The following NUCB1 variants were observed in gnomAD, a reference collection of about 807,000 sequenced individuals.
The protein encoded by NUCB1 is nucleobindin 1.
A neutral mutation model predicts 61.2 loss-of-function variants in NUCB1; 47 were observed. The ratio of observed to expected loss-of-function variants is 0.77; its 90% CI spans 0.61 to 0.98. NUCB1 has a LOEUF of 0.98. NUCB1 is among the 50% of genes least tolerant of loss of function. The pLI is 0.00. For synonymous variants in NUCB1, 234 were observed against 243.1 expected, an observed-to-expected ratio of 0.96 and a Z score of 0.35; for missense variants, 583 against 605.3, an observed-to-expected ratio of 0.96 and a Z score of 0.39.
chr19:48,905,729 G>A, intron 3 of NUCB1, 24 bp from the exon 4 acceptor site: 1 of 1,613,818 alleles, frequency 6.2e-7, no homozygotes, highest in Non-Finnish European at 8.5e-7. Context: ...CCCCCAGGCT[G>A]ACCAGGGTCT....
intron 4 of NUCB1, among the ~76,000 whole-genome samples, chr19:48,908,773 C>T (rs1295493259): frequency 7.2e-6 from 1 of 138,436 alleles, no homozygotes; most frequent in African/African-American, 2.6e-5. Flanking sequence ...TCTTTCTCCC[C>T]ACCTAACCAA....
intron 2 of NUCB1, among the ~76,000 whole-genome samples, chr19:48,901,883 C>T (rs1217537006): frequency 1.3e-5 from 2 of 152,238 alleles, no homozygotes; most frequent in East Asian, 3.8e-4. Context: ...GAAATCCTTG[C>T]AGACCCAGGA....
intron 2 of NUCB1, among the ~76,000 whole-genome samples, chr19:48,903,003 C>G (rs2037368802): frequency 6.6e-6 from 1 of 151,504 alleles, no homozygotes; most frequent in Admixed American, 6.6e-5. Context: ...AGCGCAGTGG[C>G]AGGATCATAC....
Position 48,900,924 on chromosome 19 carries a change from A to G in NUCB1, c.128A>G (p.Glu43Gly). Residue 43 changes from glutamate to glycine, a missense_variant, in exon 2 of 13, where the codon GAG (glutamate) becomes GGG (glycine). Glu to Gly is a moderately conservative substitution (Grantham distance 98). Transcript: ENST00000405315. ...APNKEETPATESPDTGLYYHR... is the reference protein window; with the variant it reads ...APNKEETPATGSPDTGLYYHR... ...AACAAGGAGGAGACCCCTGCGACTGAGAGTCCCGTGAGTGGCCCTGCCCTG... is the reference window on the plus strand; with the variant it reads ...AACAAGGAGGAGACCCCTGCGACTGGGAGTCCCGTGAGTGGCCCTGCCCTG... 6.2e-7 allele frequency: 1 copy of G among 1,613,852 alleles called. No individual in the cohort carries two copies.
At chr19:48,906,656 A>G (rs2037415735) in intron 4 of NUCB1, among the ~76,000 whole-genome samples, 1 of 151,944 alleles carries the variant, frequency 6.6e-6, no homozygotes, top group African/African-American at 2.4e-5. Flanking sequence ...CTGGGATGTC[A>G]AGGCTATAGT....
intron 1 of NUCB1, 200 bp from the exon 2 acceptor site, chr19:48,900,586 C>A (rs753314040): frequency 1.5e-5 from 10 of 651,084 alleles, no homozygotes; most frequent in Non-Finnish European, 2.6e-5. Flanking sequence ...GGAGCCAGGA[C>A]CCCTGGGTCT....
In NUCB1 at chr19:48,905,734, GGGTCT is replaced by G; in HGVS notation, c.244-18_244-14del. On this transcript the variant is annotated splice_polypyrimidine_tract_variant and intron_variant, in intron 3 of 12. Coordinates refer to ENST00000405315, the MANE Select transcript of NUCB1 (RefSeq NM_006184.6). ...AGAGAGCAGGCCCCCAGGCTGACCA[GGGTCT>G]CCTCTCCTGTCAGAGCGGGAAGCTG... 1 of 1,613,898 alleles carries G rather than the reference GGGTCT, an allele frequency of 6.2e-7. No individual in the cohort carries two copies. Among genetic ancestry groups the G allele is most frequent in the Non-Finnish European group, 8.5e-7 (1 of 1,179,984 alleles).
rs943187454 is a variant in NUCB1, at chr19:48,908,992, G to A, written c.377-2157G>A. Among the ~76,000 whole-genome samples, 9 of 152,052 alleles carry A rather than the reference G, an allele frequency of 5.9e-5. No individual in the cohort carries two copies. In the South Asian group the frequency reaches 1.5e-3, roughly 25 times the overall value. On this transcript the variant is annotated intron_variant, in intron 4 of 12. Transcript: ENST00000405315. ...GAGGCTGCACTTGTTTGCTGAGGCC[G>A]CTGTAACCAAGTACCACTGACCAGG...
intron 6 of NUCB1, 30 bp downstream of exon 6, chr19:48,913,226 C>T (rs774295375): frequency 6.4e-7 from 1 of 1,574,538 alleles, no homozygotes; most frequent in Non-Finnish European, 8.6e-7. Flanking sequence ...CCATCCACTC[C>T]CTACCACATC....
intron 2 of NUCB1, among the ~76,000 whole-genome samples, chr19:48,903,487 CGGGTGGATGGATGGGTGGGTGGATG>C (rs2037375299): frequency 1.3e-4 from 3 of 23,142 alleles, no homozygotes; most frequent in Non-Finnish European, 2.5e-4. Flanking sequence ...GATGGATGGG[CGGGTGGATGGATGGGTGGGTGGATG>C]AGTGGATGGA....
At chr19:48,905,399 C>T (rs948151154) in intron 3 of NUCB1, among the ~76,000 whole-genome samples, 2 of 152,128 alleles carry the variant, frequency 1.3e-5, no homozygotes, top group African/African-American at 2.4e-5. Flanking sequence ...CCACCATGCA[C>T]GGCTAATTTT....
intron 2 of NUCB1, among the ~76,000 whole-genome samples, chr19:48,901,681 G>A (rs1045855242): frequency 1.3e-5 from 2 of 152,280 alleles, no homozygotes; most frequent in East Asian, 1.9e-4. Context: ...ACGAATTCTC[G>A]TGCTGGAACC....
chr19:48,908,625 A>G lies in NUCB1; in HGVS notation c.377-2524A>G, dbSNP rs946565282. 7.0e-5 allele frequency among the ~76,000 whole-genome samples: 10 copies of G among 143,262 alleles called. No homozygotes were observed. The South Asian group carries it at 2.2e-3, about 31-fold the overall frequency. 94.0% of individuals were successfully genotyped at this position (143,262 alleles called of 152,430 possible). ...GCCGGAGCTGCCTCCACTGCAGCCT[A>G]GGTCTCCCAAATTCTAGCTGCCCGT... On this transcript the variant is annotated intron_variant, in intron 4 of 12. Transcript: ENST00000405315.
rs771879798 is a variant in NUCB1, at chr19:48,900,771, C to G, written c.-11-15C>G. On this transcript the variant is annotated splice_polypyrimidine_tract_variant and intron_variant, in intron 1 of 12. Transcript: ENST00000405315. ...GACAGACATTATGCATTATCCAGCC[C>G]TCCATCCCCCACAGACCACACTGCC... 6.2e-7 allele frequency: 1 copy of G among 1,612,032 alleles called. No homozygotes were observed. The highest frequency in any genetic ancestry group is 1.1e-5 in the South Asian group (1 of 90,960).
chr19:48,903,647 C>A (rs111164104), intron 2 of NUCB1, among the ~76,000 whole-genome samples: 4,872 of 23,914 alleles, frequency 0.2, 730 homozygotes, highest in Middle Eastern at 0.39. Context: ...GATGGATGGG[C>A]GGGTGGATGG....
intron 3 of NUCB1, among the ~76,000 whole-genome samples, chr19:48,905,505 ACC>A (rs1375770968): frequency 6.6e-6 from 1 of 152,042 alleles, no homozygotes; most frequent in Non-Finnish European, 1.5e-5. Flanking sequence ...TACAGGCGTG[ACC>A]CACCGCACCT....
At chr19:48,901,488 G>A (rs2037352593) in intron 2 of NUCB1, among the ~76,000 whole-genome samples, 1 of 152,210 alleles carries the variant, frequency 6.6e-6, no homozygotes, top group South Asian at 2.1e-4. Flanking sequence ...GTCAGGCCAG[G>A]CGCAGTGGCT....
chr19:48,922,548 G>A lies in NUCB1; in HGVS notation c.*124G>A, dbSNP rs1287383125. The A allele has an allele frequency of 5.2e-5, 38 of 737,372 alleles. No individual in the cohort carries two copies. The highest frequency in any genetic ancestry group is 2.6e-4 in the Admixed American group (11 of 42,754). 45.7% of individuals were successfully genotyped at this position (737,372 alleles called of 1,614,324 possible). A position where few individuals can be genotyped will look rare whatever the true frequency, so the allele number is the denominator to read the frequency against. ...TGTTGGGCTCCTGGGGCGGGGGCAC[G>A]GCCTGGCATTTCACGCATTGCTGCC... On this transcript the variant is annotated 3_prime_UTR_variant, in exon 13 of 13. Coordinates refer to ENST00000405315, the MANE Select transcript of NUCB1 (RefSeq NM_006184.6).
intron 7 of NUCB1, 100 bp downstream of exon 7, chr19:48,913,664 A>T: frequency 2.1e-6 from 2 of 965,304 alleles, no homozygotes; most frequent in South Asian, 1.4e-5. Context: ...AGGAGGGCTT[A>T]GTCAGGCCCA....
Sources: allele counts gnomAD v4.1 joint callset (sites outside exome capture counted in the v4.1 genomes callset), GRCh38; gene constraint gnomAD v4.1.1; transcripts MANE v1.5; gene names NCBI Gene and HGNC (gene_info 2026-07-23, HGNC 2026-07-21).